Variants in SORCS3 observed in about 807,000 individuals in gnomAD.
The protein encoded by SORCS3 is sortilin related VPS10 domain containing receptor 3.
SORCS3 carries 57 observed loss-of-function variants against 146.3 expected under a neutral mutation model. That is an observed-to-expected ratio of 0.39 (90% CI 0.31 to 0.49). The LOEUF is 0.49. SORCS3 is among the 20% of genes least tolerant of loss of function. The pLI is 0.92. For synonymous variants in SORCS3, 653 were observed against 618.5 expected, an observed-to-expected ratio of 1.06 and a Z score of -0.83; for missense variants, 1,341 against 1,575.5, an observed-to-expected ratio of 0.85 and a Z score of 2.52.
intron 1 of SORCS3, among the ~76,000 whole-genome samples, chr10:104,701,047 C>T (rs1386604697): frequency 6.6e-6 from 1 of 152,136 alleles, no homozygotes; most frequent in East Asian, 1.9e-4. Context: ...GAAAGTTTTC[C>T]ATCTTGCATT....
At chr10:104,659,072 A>C (rs1328460968) in intron 1 of SORCS3, among the ~76,000 whole-genome samples, 1 of 152,296 alleles carries the variant, frequency 6.6e-6, no homozygotes, top group African/African-American at 2.4e-5. Context: ...TTTTAAGGAA[A>C]TATCACAACA....
chr10:105,207,272 T>TTTTTTATTATTATTA (rs148959945), intron 16 of SORCS3, among the ~76,000 whole-genome samples: 2 of 147,148 alleles, frequency 1.4e-5, no homozygotes, highest in South Asian at 2.2e-4. Flanking sequence ...CATGCAGAGG[T>TTTTTTATTATTATTA]TTATTATTAT....
At chr10:104,888,583 A>C (rs1025297534) in intron 2 of SORCS3, among the ~76,000 whole-genome samples, 1 of 152,214 alleles carries the variant, frequency 6.6e-6, no homozygotes, top group African/African-American at 2.4e-5. Context: ...AAATAAAGGC[A>C]AGAATAAAAC....
At chr10:105,229,612 T>C (rs2056755456) in intron 20 of SORCS3, among the ~76,000 whole-genome samples, 1 of 152,200 alleles carries the variant, frequency 6.6e-6, no homozygotes. Context: ...GTGATTTATT[T>C]TGCCTTAAAT....
chr10:104,996,012 A>G (rs1264631060), intron 4 of SORCS3, among the ~76,000 whole-genome samples: 4 of 152,200 alleles, frequency 2.6e-5, no homozygotes, highest in Admixed American at 2.0e-4. Flanking sequence ...GGAAAAGACT[A>G]TTCTTTCTCC....
At chr10:104,780,868 C>T (rs1564681974) in intron 1 of SORCS3, among the ~76,000 whole-genome samples, 1 of 152,156 alleles carries the variant, frequency 6.6e-6, no homozygotes, top group Non-Finnish European at 1.5e-5. Context: ...GAGAAGTTTA[C>T]CATCTTCTTA....
intron 22 of SORCS3, among the ~76,000 whole-genome samples, chr10:105,248,212 A>T (rs533792534): frequency 1.3e-5 from 2 of 152,330 alleles, no homozygotes; most frequent in East Asian, 3.9e-4. Flanking sequence ...AAATAAGTCT[A>T]ATGTATAAGC....
At chr10:105,058,750 G>A (rs952435853) in intron 5 of SORCS3, among the ~76,000 whole-genome samples, 2 of 152,230 alleles carry the variant, frequency 1.3e-5, no homozygotes, top group South Asian at 4.1e-4. Flanking sequence ...ATTCAAAGGG[G>A]TGATGACCAA....
At chr10:104,652,893 C>A (rs1341527857) in intron 1 of SORCS3, among the ~76,000 whole-genome samples, 2 of 152,156 alleles carry the variant, frequency 1.3e-5, no homozygotes, top group Admixed American at 6.5e-5. Flanking sequence ...AGAAAACTTA[C>A]AATTTTGTGT....
At chr10:104,862,426 A>G (rs1406879548) in intron 2 of SORCS3, among the ~76,000 whole-genome samples, 1 of 152,214 alleles carries the variant, frequency 6.6e-6, no homozygotes, top group Non-Finnish European at 1.5e-5. Flanking sequence ...TTTGGGCACA[A>G]TGGGAAAGCA....
rs141596128 is a variant in SORCS3 at position 104,984,082 on chromosome 10, C to T, written c.954+6589C>T. On this transcript the variant is annotated intron_variant, in intron 4 of 26. Transcript: ENST00000369701. The stretch of plus-strand genomic sequence containing the variant: ...TTCCACCCTCAGTGGAGCCACTCTC[C>T]GTCAAGGTCATTTTTTATTTCATGC... Among the ~76,000 whole-genome samples, 640 of 152,210 alleles carry T rather than the reference C, an allele frequency of 4.2e-3. 4 individuals carry two copies. The highest frequency in any genetic ancestry group is 0.015 in the African/African-American group (617 of 41,548).
chr10:104,719,279 C>T (rs920074356), intron 1 of SORCS3, among the ~76,000 whole-genome samples: 2 of 152,128 alleles, frequency 1.3e-5, no homozygotes, highest in South Asian at 2.1e-4. Context: ...ATTCCTTCCT[C>T]ATTATAAGCA....
At chr10:105,085,757 T>C (rs1338744228) in intron 5 of SORCS3, among the ~76,000 whole-genome samples, 1 of 152,174 alleles carries the variant, frequency 6.6e-6, no homozygotes, top group Non-Finnish European at 1.5e-5. Flanking sequence ...TAGTGGTCTG[T>C]CTGTCTCTTA....
chr10:104,800,135 G>C (rs2017607989), intron 1 of SORCS3, among the ~76,000 whole-genome samples: 1 of 151,972 alleles, frequency 6.6e-6, no homozygotes, highest in African/African-American at 2.4e-5. Context: ...CCAGACGATG[G>C]AAGCCTTAAG....
Position 105,139,403 on chromosome 10 carries a change from A to G in SORCS3, c.1219A>G (p.Thr407Ala), listed in dbSNP as rs562609185. The change falls in exon 8 of 27, where the codon ACT becomes GCT. Residue 407 changes from threonine to alanine, a missense_variant. Coordinates refer to ENST00000369701, the MANE Select transcript of SORCS3 (RefSeq NM_014978.3). The stretch of plus-strand genomic sequence containing the variant: ...TGTTTCCCCCACAATCTAGGTAACA[A>G]CTAGTGGAAGAGCCAGCTACTACGT... ...QDEYIFIQVT[T>A]SGRASYYVSY... 5.3e-5 allele frequency: 85 copies of G among 1,613,078 alleles called. 2 individuals are homozygous for G. In the South Asian group the frequency reaches 8.3e-4, roughly 16 times the overall value.
intron 5 of SORCS3, among the ~76,000 whole-genome samples, chr10:105,066,592 G>A (rs1564746148): frequency 2.0e-5 from 3 of 152,094 alleles, no homozygotes; most frequent in Admixed American, 1.3e-4. Flanking sequence ...GTGTGTGTTA[G>A]GCACCCTCAG....
intron 1 of SORCS3, among the ~76,000 whole-genome samples, chr10:104,643,054 G>A (rs1420032500): frequency 6.6e-6 from 1 of 152,202 alleles, no homozygotes; most frequent in Admixed American, 6.5e-5. Context: ...TCCCTCCCGC[G>A]GTCCCTACTA....
At chr10:105,134,609 A>G (rs2056046033) in intron 7 of SORCS3, among the ~76,000 whole-genome samples, 3 of 151,786 alleles carry the variant, frequency 2.0e-5, no homozygotes. Flanking sequence ...TTTATGAAGC[A>G]CTTTTCCTTT....
intron 1 of SORCS3, among the ~76,000 whole-genome samples, chr10:104,826,388 A>T (rs550999281): frequency 6.6e-6 from 1 of 152,218 alleles, no homozygotes. Context: ...GTATACACAC[A>T]TATACCTCAG....
Sources: allele counts gnomAD v4.1 joint callset (sites outside exome capture counted in the v4.1 genomes callset), GRCh38; gene constraint gnomAD v4.1.1; transcripts MANE v1.5; gene names NCBI Gene and HGNC (gene_info 2026-07-23, HGNC 2026-07-21).